Variants in CTTNBP2 observed in about 807,000 individuals in gnomAD.
The protein encoded by CTTNBP2 is cortactin-binding protein 2.
Under a neutral mutation model 156.9 loss-of-function variants are expected in CTTNBP2, and 108 were observed. The observed-to-expected ratio is 0.69, with a 90% CI of 0.59 to 0.81. The LOEUF is 0.81. CTTNBP2 is among the 30% of genes least tolerant of loss of function. The probability of loss-of-function intolerance (pLI) is 0.00; values close to 1 mark genes in which losing one functional copy is unlikely to be tolerated. For synonymous variants in CTTNBP2, 767 were observed against 751.8 expected (o/e 1.02, Z -0.33); for missense variants, 1,924 against 2,035.4 (o/e 0.95, Z 1.05).
At chr7:117,728,980 C>G (rs1795255121) in intron 16 of CTTNBP2, among the ~76,000 whole-genome samples, 1 of 152,212 alleles carries the variant, frequency 6.6e-6, no homozygotes, top group Non-Finnish European at 1.5e-5. Context: ...ACAGGCTTAG[C>G]TTTGTGGGCA....
At chr7:117,816,549 G>A (rs1421553586) in intron 2 of CTTNBP2, among the ~76,000 whole-genome samples, 2 of 152,048 alleles carry the variant, frequency 1.3e-5, no homozygotes, top group African/African-American at 4.8e-5. Flanking sequence ...TTCTTCTTGT[G>A]CTCATGTCAA....
chr7:117,861,128 T>TTAAATCTATTTGATTC, intron 2 of CTTNBP2, 81 bp downstream of exon 2: 1 of 794,408 alleles, frequency 1.3e-6, no homozygotes, highest in Non-Finnish European at 2.1e-6. Flanking sequence ...ATTCAAAAAT[T>TTAAATCTATTTGATTC]AAGAAAAAGA....
rs185364885 is a variant in CTTNBP2 at position 117,867,035 on chromosome 7, A to G, written c.82-5719T>C. Among the ~76,000 whole-genome samples the G allele has an allele frequency of 2.6e-5, 4 of 152,376 alleles. No individual in the cohort carries two copies. In the East Asian group the frequency reaches 7.7e-4, roughly 29 times the overall value. On this transcript the variant is annotated intron_variant, in intron 1 of 22. Coordinates refer to ENST00000160373, the MANE Select transcript of CTTNBP2 (RefSeq NM_033427.3). ...AGGCTGTATCACTGACATGCAAAAT[A>G]TTAAATTCACCTCTCTAGGTACATA...
chr7:117,851,387 C>T (rs1211799659), intron 2 of CTTNBP2, among the ~76,000 whole-genome samples: 3 of 152,122 alleles, frequency 2.0e-5, no homozygotes, highest in Non-Finnish European at 2.9e-5. Context: ...CCACCAACCC[C>T]CTCACACACA....
chr7:117,726,279 T>C (rs1306051446), intron 17 of CTTNBP2, among the ~76,000 whole-genome samples: 10 of 152,232 alleles, frequency 6.6e-5, no homozygotes, highest in Non-Finnish European at 2.9e-5. Flanking sequence ...TTTTCAAAGC[T>C]TAGACATTGC....
intron 3 of CTTNBP2, among the ~76,000 whole-genome samples, chr7:117,794,005 C>G (rs1040144770): frequency 2.0e-5 from 3 of 152,214 alleles, no homozygotes; most frequent in Non-Finnish European, 2.9e-5. Context: ...TGCCTGCACC[C>G]CCCCTCACCC....
chr7:117,787,525 T>A (rs1798766082), intron 4 of CTTNBP2, among the ~76,000 whole-genome samples: 1 of 152,136 alleles, frequency 6.6e-6, no homozygotes, highest in South Asian at 2.1e-4. Flanking sequence ...TAAACCAAAT[T>A]AAATCAAATG....
chr7:117,817,352 AAAAAAAAAAATATAT>A lies in CTTNBP2; in HGVS notation c.190-6378_190-6364del, dbSNP rs1261764421. On this transcript the variant is annotated intron_variant, in intron 2 of 22. Transcript: ENST00000160373. ...CCATCTCAAAAAAAAAAAAAAAAAAAAAAAAAAAAATATATATATATATATATATATATATAATTT... is the reference window on the plus strand; with the variant it reads ...CCATCTCAAAAAAAAAAAAAAAAAAAATATATATATATATATATATAATTT... 7.9e-4 allele frequency among the ~76,000 whole-genome samples: 71 copies of A among 89,796 alleles called. 6 individuals carry two copies. Among genetic ancestry groups the A allele is most frequent in the Non-Finnish European group, 1.1e-3 (49 of 45,486 alleles). 58.9% of individuals were successfully genotyped at this position (89,796 alleles called of 152,430 possible).
chr7:117,717,954 GATTTGTGAAGTCA>G, intron 22 of CTTNBP2, 51 bp downstream of exon 22: 2 of 1,001,424 alleles, frequency 2.0e-6, no homozygotes, highest in South Asian at 1.3e-5. Context: ...ACTGAAAGAT[GATTTGTGAAGTCA>G]ATTCCACAGC....
chr7:117,870,649 G>A (rs1441640516), intron 1 of CTTNBP2, among the ~76,000 whole-genome samples: 1 of 152,088 alleles, frequency 6.6e-6, no homozygotes, highest in Non-Finnish European at 1.5e-5. Context: ...AAAATTCTTT[G>A]GTGACAATAA....
At chr7:117,811,822 ATTAAATTAAAAT>A (rs1198852560) in intron 2 of CTTNBP2, among the ~76,000 whole-genome samples, 51 of 149,252 alleles carry the variant, frequency 3.4e-4, no homozygotes, top group Non-Finnish European at 4.0e-4. Context: ...AAAAATTTTA[ATTAAATTAAAAT>A]TTTAATTAAA....
chr7:117,774,801 G>A (rs547754869), intron 8 of CTTNBP2, among the ~76,000 whole-genome samples: 74 of 152,134 alleles, frequency 4.9e-4, no homozygotes, highest in Non-Finnish European at 9.4e-4. Flanking sequence ...ACTACCCTGC[G>A]TAGATTAGAC....
At chr7:117,861,612 G>A (rs1353796163) in intron 1 of CTTNBP2, among the ~76,000 whole-genome samples, 1 of 152,160 alleles carries the variant, frequency 6.6e-6, no homozygotes, top group Non-Finnish European at 1.5e-5. Flanking sequence ...CCTGGAGTCT[G>A]AGGCAAAACA....
intron 2 of CTTNBP2, among the ~76,000 whole-genome samples, chr7:117,816,573 T>C (rs1425529998): frequency 1.3e-5 from 2 of 152,150 alleles, no homozygotes; most frequent in Admixed American, 1.3e-4. Flanking sequence ...GTTCAGAGTT[T>C]AGCCTAATTT....
intron 17 of CTTNBP2, among the ~76,000 whole-genome samples, chr7:117,726,856 G>T (rs1007913929): frequency 4.6e-5 from 7 of 152,174 alleles, no homozygotes; most frequent in African/African-American, 1.4e-4. Flanking sequence ...TGCCTGCTGT[G>T]TTGTGGGTGA....
chr7:117,861,118 AT>A (rs1211438190), intron 2 of CTTNBP2, 90 bp downstream of exon 2: 1 of 738,710 alleles, frequency 1.4e-6, no homozygotes, highest in Non-Finnish European at 2.3e-6. Context: ...AATCTATTTG[AT>A]TCAAAAATTA....
chr7:117,762,436 G>A (rs1453019776), intron 9 of CTTNBP2, among the ~76,000 whole-genome samples: 1 of 152,152 alleles, frequency 6.6e-6, no homozygotes, highest in Non-Finnish European at 1.5e-5. Context: ...TTATCAGACT[G>A]AACACCTTGA....
intron 10 of CTTNBP2, 141 bp downstream of exon 10, chr7:117,760,294 C>T (rs1331300302): frequency 1.4e-6 from 1 of 737,492 alleles, no homozygotes; most frequent in Admixed American, 2.9e-5. Flanking sequence ...ATTGTGAATA[C>T]TCAAGTTTTT....
At chr7:117,752,880 G>T (rs954827352) in intron 12 of CTTNBP2, among the ~76,000 whole-genome samples, 17 of 152,216 alleles carry the variant, frequency 1.1e-4, no homozygotes, top group African/African-American at 3.9e-4. Flanking sequence ...GATTAAATGA[G>T]ATTATCCATA....
Sources: gnomAD v4.1 joint callset for allele counts (sites outside exome capture counted in the v4.1 genomes callset) on GRCh38, gnomAD v4.1.1 for gene constraint, MANE v1.5 for transcripts, NCBI Gene and HGNC (gene_info 2026-07-23, HGNC 2026-07-21) for gene names.